The following TCF7L1 variants were observed in gnomAD, a reference collection of about 807,000 sequenced individuals.
The protein encoded by TCF7L1 is transcription factor 7 like 1, also known as transcription factor 7-like 1.
Under a neutral mutation model 63.7 loss-of-function variants are expected in TCF7L1, and 18 were observed. The observed-to-expected ratio is 0.28, with a 90% CI of 0.20 to 0.42. The LOEUF is 0.42. Among genes scored for constraint, TCF7L1 ranks in the 10% least tolerant of loss-of-function variants. TCF7L1 has a pLI of 1.00. For missense variants in TCF7L1, 654 were observed against 779.3 expected (o/e 0.84, Z 1.91); for synonymous variants, 355 against 340.9 (o/e 1.04, Z -0.46).
At chr2:85,252,790 A>AG (rs1487362655) in intron 3 of TCF7L1, among the ~76,000 whole-genome samples, 1 of 152,216 alleles carries the variant, frequency 6.6e-6, no homozygotes. Context: ...CCAGCTCCCC[A>AG]GGGAAACTGT....
intron 3 of TCF7L1, among the ~76,000 whole-genome samples, chr2:85,137,720 C>A (rs1677627905): frequency 1.3e-5 from 2 of 151,972 alleles, no homozygotes; most frequent in Admixed American, 1.3e-4. Flanking sequence ...TGGTGAAACC[C>A]CATCTGTACT....
chr2:85,158,340 T>C (rs933609148), intron 3 of TCF7L1, among the ~76,000 whole-genome samples: 23 of 152,264 alleles, frequency 1.5e-4, no homozygotes, highest in African/African-American at 5.5e-4. Flanking sequence ...CTCTCTCCCC[T>C]CTCCTTTTGG....
chr2:85,232,707 C>T (rs923034959), intron 3 of TCF7L1, among the ~76,000 whole-genome samples: 7 of 152,178 alleles, frequency 4.6e-5, no homozygotes, highest in African/African-American at 1.7e-4. Context: ...AGCAAGATCT[C>T]AAAAAATATA....
intron 3 of TCF7L1, among the ~76,000 whole-genome samples, chr2:85,136,058 A>G (rs1677586605): frequency 6.6e-6 from 1 of 151,872 alleles, no homozygotes; most frequent in South Asian, 2.1e-4. Context: ...TATGGGGGAG[A>G]GTTAATGCCG....
chr2:85,260,940 AT>A (rs1680844056), intron 3 of TCF7L1, among the ~76,000 whole-genome samples: 1 of 152,090 alleles, frequency 6.6e-6, no homozygotes, highest in African/African-American at 2.4e-5. Context: ...ATGACTGAGA[AT>A]TTGCTCTCCC....
intron 3 of TCF7L1, among the ~76,000 whole-genome samples, chr2:85,197,637 A>G (rs1679187538): frequency 6.6e-6 from 1 of 152,232 alleles, no homozygotes; most frequent in Non-Finnish European, 1.5e-5. Flanking sequence ...CAAAAATAAA[A>G]TATTAGCTGA....
chr2:85,276,734 T>C (rs1681280434), intron 3 of TCF7L1, among the ~76,000 whole-genome samples: 1 of 151,908 alleles, frequency 6.6e-6, no homozygotes, highest in South Asian at 2.1e-4. Flanking sequence ...TGGGACAGGG[T>C]TTCAACACAT....
intron 3 of TCF7L1, among the ~76,000 whole-genome samples, chr2:85,186,092 G>A (rs991605122): frequency 4.7e-5 from 7 of 149,180 alleles, no homozygotes; most frequent in East Asian, 2.0e-4. Flanking sequence ...TCAGCCTCCC[G>A]AGTAGCTGGG....
chr2:85,196,322 TG>T (rs1469958353), intron 3 of TCF7L1, among the ~76,000 whole-genome samples: 1 of 152,240 alleles, frequency 6.6e-6, no homozygotes, highest in African/African-American at 2.4e-5. Context: ...CTCAAACTCC[TG>T]GGCTCAAGGG....
chr2:85,174,773 C>G (rs557691859), intron 3 of TCF7L1, among the ~76,000 whole-genome samples: 1 of 152,342 alleles, frequency 6.6e-6, no homozygotes, highest in South Asian at 2.1e-4. Flanking sequence ...TCTTCGCAGT[C>G]TATGCCCAGG....
At chr2:85,294,232 T>C (rs1403245940) in intron 4 of TCF7L1, among the ~76,000 whole-genome samples, 1 of 151,828 alleles carries the variant, frequency 6.6e-6, no homozygotes, top group African/African-American at 2.4e-5. Flanking sequence ...AAGACGGGGT[T>C]TCACCATGTT....
chr2:85,200,367 C>T (rs1321163657), intron 3 of TCF7L1, among the ~76,000 whole-genome samples: 4 of 152,176 alleles, frequency 2.6e-5, no homozygotes, highest in African/African-American at 9.6e-5. Context: ...TAATAGCCTA[C>T]TCTCGATTAA....
At chr2:85,250,795 G>A (rs988703749) in intron 3 of TCF7L1, among the ~76,000 whole-genome samples, 4 of 152,118 alleles carry the variant, frequency 2.6e-5, no homozygotes, top group African/African-American at 9.7e-5. Flanking sequence ...TGTGTTTCGT[G>A]TATGTTAAAA....
chr2:85,297,885 T>A (rs898561154), intron 4 of TCF7L1, among the ~76,000 whole-genome samples: 10 of 152,092 alleles, frequency 6.6e-5, no homozygotes. Context: ...CTACTTTCTC[T>A]TAGTTTTTCT....
intron 3 of TCF7L1, among the ~76,000 whole-genome samples, chr2:85,271,093 C>T (rs1364838058): frequency 6.6e-6 from 1 of 151,878 alleles, no homozygotes; most frequent in African/African-American, 2.4e-5. Flanking sequence ...CGAGGAAATC[C>T]AACAGCCTCC....
intron 3 of TCF7L1, among the ~76,000 whole-genome samples, chr2:85,223,555 C>A (rs2104303811): frequency 6.6e-6 from 1 of 152,128 alleles, no homozygotes; most frequent in African/African-American, 2.4e-5. Context: ...GGGGTGTCTG[C>A]TTCCCCAGGT....
chr2:85,236,806 T>C (rs1680203780), intron 3 of TCF7L1, among the ~76,000 whole-genome samples: 1 of 152,142 alleles, frequency 6.6e-6, no homozygotes, highest in African/African-American at 2.4e-5. Context: ...CATGGCTTTC[T>C]AGGAATTGCC....
intron 3 of TCF7L1, among the ~76,000 whole-genome samples, chr2:85,266,274 G>C (rs1342464054): frequency 6.6e-6 from 1 of 152,144 alleles, no homozygotes; most frequent in Non-Finnish European, 1.5e-5. Flanking sequence ...CCTAGAGACA[G>C]TAAGCCTTCA....
chr2:85,254,194 C>T (rs143590089), intron 3 of TCF7L1, among the ~76,000 whole-genome samples: 5 of 152,386 alleles, frequency 3.3e-5, no homozygotes, highest in South Asian at 2.1e-4. Context: ...CCATCGGCCC[C>T]GCTCAAATTT....
Sources: allele counts gnomAD v4.1 joint callset (sites outside exome capture counted in the v4.1 genomes callset), GRCh38; gene constraint gnomAD v4.1.1; transcripts MANE v1.5; gene names NCBI Gene and HGNC (gene_info 2026-07-23, HGNC 2026-07-21).